The following MTUS2 variants were observed in gnomAD, a reference collection of about 807,000 sequenced individuals.
The protein encoded by MTUS2 is microtubule associated scaffold protein 2, also known as microtubule-associated tumor suppressor candidate 2.
Under a neutral mutation model 114.1 loss-of-function variants are expected in MTUS2, and 40 were observed. The ratio of observed to expected loss-of-function variants is 0.35; its 90% CI spans 0.27 to 0.46. The LOEUF (loss-of-function observed/expected upper bound fraction) is 0.46, where lower values mean the gene tolerates loss of function less well. Among genes scored for constraint, MTUS2 ranks in the 20% least tolerant of loss-of-function variants. The probability of loss-of-function intolerance (pLI) is 1.00; values close to 1 mark genes in which losing one functional copy is unlikely to be tolerated. For synonymous variants in MTUS2, 688 were observed against 672.0 expected, an observed-to-expected ratio of 1.02 and a Z score of -0.37; for missense variants, 1,679 against 1,705.4, an observed-to-expected ratio of 0.98 and a Z score of 0.27.
intron 7 of MTUS2, among the ~76,000 whole-genome samples, chr13:29,357,887 G>A (rs543722285): frequency 2.0e-5 from 3 of 152,320 alleles, no homozygotes; most frequent in South Asian, 2.1e-4. Flanking sequence ...ACCACTAGAA[G>A]CATTTAGGTC....
At chr13:29,363,996 G>C (rs1051553305) in intron 8 of MTUS2, among the ~76,000 whole-genome samples, 1 of 152,158 alleles carries the variant, frequency 6.6e-6, no homozygotes, top group African/African-American at 2.4e-5. Context: ...ATTAGAAAGT[G>C]ATGGAGCCAA....
chr13:29,025,248 G>A lies in MTUS2; in HGVS notation c.550G>A (p.Val184Ile). Reference protein sequence around the residue: ...RHSLERASSSVAAVGSLTPQH... With the variant: ...RHSLERASSSIAAVGSLTPQH... ...TTCTTTGGAAAGAGCAAGCAGCTCT[G>A]TAGCTGCAGTCGGGAGCCTGACTCC... The change falls in exon 3 of 16, where the codon GTA (valine) becomes ATA (isoleucine). Residue 184 changes from valine (V) to isoleucine (I), a missense_variant. This residue lies in a region of MTUS2 where 843 missense variants were observed against 770.8 expected (regional missense o/e 1.09). Coordinates refer to ENST00000612955, the MANE Select transcript of MTUS2 (RefSeq NM_001033602.4). 6.2e-7 allele frequency: 1 copy of A among 1,613,978 alleles called. No individual in the cohort carries two copies. Among genetic ancestry groups the A allele is most frequent in the Non-Finnish European group, 8.5e-7 (1 of 1,179,894 alleles).
chr13:28,909,266 TA>T (rs1880250734), intron 2 of MTUS2, among the ~76,000 whole-genome samples: 1 of 151,682 alleles, frequency 6.6e-6, no homozygotes, highest in Admixed American at 6.6e-5. Context: ...ATTGAATCTA[TA>T]AATTACCTTG....
chr13:28,918,463 T>C lies in MTUS2; in HGVS notation c.-243+78613T>C, dbSNP rs73437261. Among the ~76,000 whole-genome samples the C allele has an allele frequency of 2.6e-3, 391 of 152,182 alleles. 1 individual carries two copies. Among genetic ancestry groups the C allele is most frequent in the African/African-American group, 9.0e-3 (373 of 41,576 alleles). ...ACAGTTTTTGTCTTGAAATCTATTT[T>C]ATCTGATTTACTGGCTCTTGTTCTT... On this transcript the variant is annotated intron_variant, in intron 2 of 15. Transcript: ENST00000612955.
chr13:29,405,923 T>G (rs932369106), intron 8 of MTUS2, among the ~76,000 whole-genome samples: 1 of 151,934 alleles, frequency 6.6e-6, no homozygotes, highest in Non-Finnish European at 1.5e-5. Context: ...GTATTTTTAG[T>G]AGAGACGGGG....
At chr13:28,941,484 T>C (rs548522913) in intron 2 of MTUS2, among the ~76,000 whole-genome samples, 61 of 152,244 alleles carry the variant, frequency 4.0e-4, no homozygotes, top group Non-Finnish European at 7.5e-4. Flanking sequence ...AATATCTTTT[T>C]ATATTTTTGC....
chr13:28,894,050 C>T (rs1311918911), intron 2 of MTUS2, among the ~76,000 whole-genome samples: 2 of 151,720 alleles, frequency 1.3e-5, no homozygotes, highest in Non-Finnish European at 2.9e-5. Flanking sequence ...TCAGGGTCTG[C>T]CAGGCTATCC....
chr13:29,272,957 C>T (rs1357668696), intron 5 of MTUS2, among the ~76,000 whole-genome samples: 1 of 152,076 alleles, frequency 6.6e-6, no homozygotes, highest in East Asian at 1.9e-4. Context: ...ACTTTGTGTC[C>T]TCATATGGCA....
intron 7 of MTUS2, among the ~76,000 whole-genome samples, chr13:29,349,447 AGT>A (rs1354321881): frequency 6.6e-6 from 1 of 152,170 alleles, no homozygotes; most frequent in African/African-American, 2.4e-5. Context: ...AATAAGAAGA[AGT>A]CTGAGTTACT....
chr13:29,119,006 A>G (rs894232904), intron 5 of MTUS2, among the ~76,000 whole-genome samples: 1 of 151,948 alleles, frequency 6.6e-6, no homozygotes, highest in African/African-American at 2.4e-5. Context: ...TTATTCAGAA[A>G]CTCTAAGGAA....
chr13:28,980,864 A>G (rs1593353097), intron 2 of MTUS2, among the ~76,000 whole-genome samples: 1 of 152,088 alleles, frequency 6.6e-6, no homozygotes. Context: ...TGGCCATGTA[A>G]TTTTTTTGTC....
rs192987524 is a variant in MTUS2, at chr13:29,071,292, G to C, written c.2447-29481G>C. On this transcript the variant is annotated intron_variant, in intron 4 of 15. Transcript: ENST00000612955. ...TGGGATTACAGGTGTGAGCCACCGT[G>C]CCCAGCATCTTGCTTGTTTTTATAG... Among the ~76,000 whole-genome samples, 938 of 150,312 alleles carry C rather than the reference G, an allele frequency of 6.2e-3. 8 individuals carry two copies. Among genetic ancestry groups the C allele is most frequent in the Non-Finnish European group, 0.011 (716 of 67,700 alleles).
At chr13:28,925,342 T>C (rs923225677) in intron 2 of MTUS2, among the ~76,000 whole-genome samples, 5 of 152,238 alleles carry the variant, frequency 3.3e-5, no homozygotes, top group African/African-American at 1.2e-4. Context: ...TTCTGTTTTA[T>C]GTAGGACTAA....
At chr13:29,337,496 A>G (rs1032399370) in intron 7 of MTUS2, among the ~76,000 whole-genome samples, 4 of 152,110 alleles carry the variant, frequency 2.6e-5, no homozygotes, top group African/African-American at 7.2e-5. Flanking sequence ...ACCAGTCCCA[A>G]TGAGATGAGC....
At chr13:29,181,616 A>G (rs7325901) in intron 5 of MTUS2, among the ~76,000 whole-genome samples, 127,520 of 152,112 alleles carry the variant, frequency 0.84, 53,698 homozygotes, top group African/African-American at 0.92. Flanking sequence ...TGTTTAATAT[A>G]TATGATTAAT....
chr13:28,848,392 G>A (rs923290841), intron 2 of MTUS2, among the ~76,000 whole-genome samples: 1 of 152,138 alleles, frequency 6.6e-6, no homozygotes, highest in African/African-American at 2.4e-5. Context: ...TGATTGTGAT[G>A]TTTTATATCT....
At chr13:29,231,810 G>T (rs183146812) in intron 5 of MTUS2, among the ~76,000 whole-genome samples, 1 of 152,188 alleles carries the variant, frequency 6.6e-6, no homozygotes, top group East Asian at 1.9e-4. Context: ...ATTTCAAAAT[G>T]TCATCGTATG....
Position 29,502,964 on chromosome 13 carries a change from G to A in MTUS2, c.3897-29G>A, listed in dbSNP as rs748738281. 5 of 1,608,152 alleles carry A rather than the reference G, an allele frequency of 3.1e-6. No individual in the cohort carries two copies. In the South Asian group the frequency reaches 4.4e-5, roughly 14 times the overall value. ...AGGTTCAGTGTCCACTAGCATGATT[G>A]CTACTTATTTGTCATTGTGCCCATG... On this transcript the variant is annotated intron_variant, in intron 15 of 15. Transcript: ENST00000612955.
At chr13:29,427,229 G>A (rs1425152877) in intron 8 of MTUS2, among the ~76,000 whole-genome samples, 1 of 152,192 alleles carries the variant, frequency 6.6e-6, no homozygotes, top group Non-Finnish European at 1.5e-5. Context: ...AGGGTCGGCT[G>A]CTATTCCATG....
Sources: allele counts gnomAD v4.1 joint callset (sites outside exome capture counted in the v4.1 genomes callset), GRCh38; gene constraint gnomAD v4.1.1; regional missense constraint gnomAD v4.1.1; transcripts MANE v1.5; gene names NCBI Gene and HGNC (gene_info 2026-07-23, HGNC 2026-07-21).